Variants in UTRN observed in about 807,000 individuals in gnomAD.
The protein encoded by UTRN is utrophin, also known as dystrophin-related protein 1.
A neutral mutation model predicts 463.9 loss-of-function variants in UTRN; 283 were observed. That is an observed-to-expected ratio of 0.61 (90% confidence interval 0.55 to 0.67). The LOEUF (loss-of-function observed/expected upper bound fraction) is 0.67. Ranked by LOEUF, UTRN falls within the 30% of genes least tolerant of loss-of-function variation. UTRN has a pLI of 0.00. For synonymous variants in UTRN, 1,442 were observed against 1,431.5 expected (o/e 1.01, Z -0.17); for missense variants, 3,922 against 4,084.3 (o/e 0.96, Z 1.08).
chr6:144,819,871 TCCG>T (rs1446535968), intron 65 of UTRN, among the ~76,000 whole-genome samples: 5 of 137,768 alleles, frequency 3.6e-5, no homozygotes, highest in East Asian at 2.3e-4. Context: ...CTTCTCCTCC[TCCG>T]CCGCCTCCTC....
chr6:144,650,490 TCTA>T (rs1400963345), intron 51 of UTRN, among the ~76,000 whole-genome samples: 2 of 152,246 alleles, frequency 1.3e-5, no homozygotes, highest in Admixed American at 6.5e-5. Flanking sequence ...CTTTTGGTTG[TCTA>T]CTATATGGTA....
At chr6:144,797,579 T>G (rs1358747389) in intron 63 of UTRN, among the ~76,000 whole-genome samples, 1 of 152,228 alleles carries the variant, frequency 6.6e-6, no homozygotes, top group African/African-American at 2.4e-5. Context: ...TTTCAAAATC[T>G]GAGTATATTG....
At chr6:144,389,799 A>G (rs558611996) in intron 2 of UTRN, among the ~76,000 whole-genome samples, 1 of 152,244 alleles carries the variant, frequency 6.6e-6, no homozygotes, top group East Asian at 1.9e-4. Context: ...GGGTTTTACC[A>G]TGTTGGCCAG....
At chr6:144,373,474 A>G (rs1476203089) in intron 2 of UTRN, among the ~76,000 whole-genome samples, 1 of 152,238 alleles carries the variant, frequency 6.6e-6, no homozygotes, top group Non-Finnish European at 1.5e-5. Context: ...TGGAAAATCC[A>G]TAAAGAGAGA....
Position 144,426,456 on chromosome 6 carries a change from A to C in UTRN, c.575A>C (p.His192Pro). The C allele has an allele frequency of 6.2e-7, 1 of 1,613,390 alleles. No homozygotes were observed. The highest frequency in any genetic ancestry group is 8.5e-7 in the Non-Finnish European group (1 of 1,179,656). ...GCCTTTAATGCTGTCCTCCACCGAC[A>C]TAAGTGAGACATTACTCTATCTAGA... is the stretch of plus-strand genomic sequence containing the variant. ...GLAFNAVLHR[H>P]KPDLFSWDKV... The change falls in exon 7 of 75, where the codon CAT becomes CCT. Residue 192 changes from histidine (H) to proline (P), a missense_variant. His to Pro is a moderately conservative substitution (Grantham distance 77, BLOSUM62 -2). Coordinates refer to ENST00000367545, the MANE Select transcript of UTRN (RefSeq NM_007124.3).
chr6:144,749,749 G>A (rs1791181520), intron 55 of UTRN, among the ~76,000 whole-genome samples: 1 of 152,058 alleles, frequency 6.6e-6, no homozygotes, highest in South Asian at 2.1e-4. Flanking sequence ...CTTTTTAAAT[G>A]TTTTAACCTG....
chr6:144,469,024 G>C (rs566804958), intron 23 of UTRN, among the ~76,000 whole-genome samples: 1 of 152,300 alleles, frequency 6.6e-6, no homozygotes, highest in East Asian at 1.9e-4. Flanking sequence ...AACGCCGAGT[G>C]AATCTGCTGC....
In UTRN at chr6:144,382,516, A is replaced by G. The variant is rs79730573; in HGVS notation, c.80-20607A>G. On this transcript the variant is annotated intron_variant, in intron 2 of 74. Coordinates refer to ENST00000367545, the MANE Select transcript of UTRN (RefSeq NM_007124.3). ...GTGCAGTGTACTATTCTTTTTGACCATGATGACAGTTGGGTTTTATTGAGA... is the reference window on the plus strand; with the variant it reads ...GTGCAGTGTACTATTCTTTTTGACCGTGATGACAGTTGGGTTTTATTGAGA... 8.4e-3 allele frequency among the ~76,000 whole-genome samples: 1,274 copies of G among 152,312 alleles called. 17 individuals are homozygous for G. The highest frequency in any genetic ancestry group is 0.029 in the African/African-American group (1,187 of 41,556).
At chr6:144,363,849 G>C (rs1779279487) in intron 2 of UTRN, among the ~76,000 whole-genome samples, 1 of 152,156 alleles carries the variant, frequency 6.6e-6, no homozygotes, top group Non-Finnish European at 1.5e-5. Flanking sequence ...GAATTAATAG[G>C]GGGTAGCTAT....
intron 71 of UTRN, 30 bp downstream of exon 71, chr6:144,836,571 T>A (rs1031484003): frequency 1.2e-6 from 2 of 1,609,432 alleles, no homozygotes; most frequent in Non-Finnish European, 1.7e-6. Context: ...GCGTCACACC[T>A]CCCCAGGCCA....
intron 51 of UTRN, among the ~76,000 whole-genome samples, chr6:144,640,165 G>A (rs918825486): frequency 6.6e-6 from 1 of 152,110 alleles, no homozygotes; most frequent in African/African-American, 2.4e-5. Flanking sequence ...GATACAAGAG[G>A]AAGCTAAGAC....
intron 19 of UTRN, among the ~76,000 whole-genome samples, chr6:144,457,237 G>A (rs1489007118): frequency 6.6e-6 from 1 of 152,094 alleles, no homozygotes; most frequent in Non-Finnish European, 1.5e-5. Context: ...GTTTAAAATT[G>A]GTTTAAAGAG....
At chr6:144,629,226 T>C (rs886767193) in intron 51 of UTRN, among the ~76,000 whole-genome samples, 2 of 151,712 alleles carry the variant, frequency 1.3e-5, no homozygotes, top group Non-Finnish European at 2.9e-5. Context: ...AGGTGCTACA[T>C]AGTTTAAAAA....
chr6:144,396,437 G>A (rs1382586111), intron 2 of UTRN, among the ~76,000 whole-genome samples: 1 of 152,108 alleles, frequency 6.6e-6, no homozygotes, highest in Non-Finnish European at 1.5e-5. Context: ...AAAGTTTTGG[G>A]ACTAGATAGT....
chr6:144,816,771 G>C (rs866824731), intron 65 of UTRN, among the ~76,000 whole-genome samples: 2 of 147,092 alleles, frequency 1.4e-5, no homozygotes, highest in Middle Eastern at 3.5e-3. Flanking sequence ...ATAGAGATGG[G>C]GTTTTGCCGT....
At chr6:144,676,716 G>A (rs748171870) in intron 51 of UTRN, among the ~76,000 whole-genome samples, 36 of 151,608 alleles carry the variant, frequency 2.4e-4, no homozygotes, top group Non-Finnish European at 4.4e-4. Context: ...TGATGAAACC[G>A]TTGTTACTAG....
intron 41 of UTRN, among the ~76,000 whole-genome samples, chr6:144,526,463 C>T (rs966293934): frequency 1.3e-5 from 2 of 152,064 alleles, no homozygotes; most frequent in Admixed American, 6.6e-5. Flanking sequence ...ACTGCTGTTG[C>T]TTTAAAATTT....
At chr6:144,399,762 G>A (rs572960780) in intron 2 of UTRN, among the ~76,000 whole-genome samples, 25 of 152,266 alleles carry the variant, frequency 1.6e-4, no homozygotes, top group African/African-American at 5.8e-4. Context: ...GATATATGTT[G>A]CTACGTTCTG....
intron 54 of UTRN, among the ~76,000 whole-genome samples, chr6:144,744,920 T>G (rs559500821): frequency 2.0e-5 from 3 of 152,142 alleles, no homozygotes; most frequent in Non-Finnish European, 4.4e-5. Context: ...TCCAGAGAAA[T>G]CAATTTATAT....
Sources: allele counts gnomAD v4.1 joint callset (sites outside exome capture counted in the v4.1 genomes callset), GRCh38; gene constraint gnomAD v4.1.1; transcripts MANE v1.5; gene names NCBI Gene and HGNC (gene_info 2026-07-23, HGNC 2026-07-21).